Variants in CHORDC1 observed in about 807,000 individuals in gnomAD.
The protein encoded by CHORDC1 is cysteine and histidine rich domain containing 1.
Under a neutral mutation model 48.3 loss-of-function variants are expected in CHORDC1, and 25 were observed. That is an observed-to-expected ratio of 0.52 (90% CI 0.38 to 0.72). The LOEUF (loss-of-function observed/expected upper bound fraction) is 0.72. Among genes scored for constraint, CHORDC1 ranks in the 30% least tolerant of loss-of-function variants. The pLI is 0.00. For missense variants in CHORDC1, 317 were observed against 388.7 expected, an observed-to-expected ratio of 0.82 and a Z score of 1.55; for synonymous variants, 128 against 126.4, an observed-to-expected ratio of 1.01 and a Z score of -0.09.
chr11:90,209,475 C>T (rs1456209653), intron 6 of CHORDC1: 1 of 152,090 alleles, frequency 6.6e-6, no homozygotes, highest in African/African-American at 2.4e-5. Context: ...ATTCTACACG[C>T]ACTGTTCTAA....
chr11:90,214,880 C>T (rs1036730498), intron 3 of CHORDC1, among the ~76,000 whole-genome samples: 3 of 152,004 alleles, frequency 2.0e-5, no homozygotes, highest in Admixed American at 2.0e-4. Context: ...TCGTTCCTAA[C>T]TGAAAAGGCT....
At chr11:90,203,702 G>C (rs1267749749) in intron 8 of CHORDC1, among the ~76,000 whole-genome samples, 1 of 151,944 alleles carries the variant, frequency 6.6e-6, no homozygotes, top group African/African-American at 2.4e-5. Flanking sequence ...CAGCTAAAAA[G>C]ACAATTTAAG....
chr11:90,220,792 G>A (rs1171252739), intron 1 of CHORDC1, among the ~76,000 whole-genome samples: 1 of 152,028 alleles, frequency 6.6e-6, no homozygotes, highest in Non-Finnish European at 1.5e-5. Context: ...AGTGTCCAGG[G>A]CTTCTAACAT....
chr11:90,219,821 G>C (rs761196123), intron 1 of CHORDC1, among the ~76,000 whole-genome samples: 2 of 152,126 alleles, frequency 1.3e-5, no homozygotes, highest in East Asian at 1.9e-4. Context: ...CGACCAAGCT[G>C]CTCTCAGCAA....
chr11:90,215,931 C>A (rs1858000726), intron 2 of CHORDC1, among the ~76,000 whole-genome samples: 1 of 152,022 alleles, frequency 6.6e-6, no homozygotes, highest in Admixed American at 6.5e-5. Flanking sequence ...GATTAAGATG[C>A]AACTTTGCAC....
chr11:90,220,517 T>C (rs1344780097), intron 1 of CHORDC1, among the ~76,000 whole-genome samples: 1 of 152,066 alleles, frequency 6.6e-6, no homozygotes, highest in Non-Finnish European at 1.5e-5. Flanking sequence ...GTCAGAAACA[T>C]AAACGCAATG....
intron 6 of CHORDC1, chr11:90,207,779 C>CAAAAAAAAAAAAAAAAAA (rs1231587858): frequency 1.1e-5 from 1 of 91,328 alleles, no homozygotes; most frequent in Admixed American, 1.3e-4. Context: ...AAAAAAAAAA[C>CAAAAAAAAAAAAAAAAAA]AAAAAAAACT....
intron 1 of CHORDC1, 102 bp downstream of exon 1, chr11:90,222,789 G>T (rs1462987149): frequency 1.3e-5 from 14 of 1,097,490 alleles, no homozygotes; most frequent in Non-Finnish European, 1.8e-5. Context: ...CTGGGGCCGC[G>T]CGAGGACGGC....
chr11:90,209,187 A>G (rs1161674144), intron 6 of CHORDC1: 2 of 152,128 alleles, frequency 1.3e-5, no homozygotes, highest in Admixed American at 6.5e-5. Flanking sequence ...TTGTATCTCC[A>G]TTCCTTAAGT....
intron 6 of CHORDC1, chr11:90,206,517 G>T: frequency 2.3e-6 from 1 of 428,214 alleles, no homozygotes; most frequent in Non-Finnish European, 4.3e-6. Flanking sequence ...TTTTGAGTAT[G>T]AGATCCCATC....
At chr11:90,203,756 T>C (rs1857600298) in intron 8 of CHORDC1, among the ~76,000 whole-genome samples, 2 of 152,174 alleles carry the variant, frequency 1.3e-5, no homozygotes, top group African/African-American at 4.8e-5. Context: ...TGTAACCTAC[T>C]AAGTACTGTC....
chr11:90,210,587 GTCT>G lies in CHORDC1; in HGVS notation c.438_440del (p.Glu146del), dbSNP rs772146886. The G allele has an allele frequency of 1.2e-4, 189 of 1,571,282 alleles. 3 individuals are homozygous for G. In the East Asian group the frequency reaches 4.2e-3, roughly 35 times the overall value. On this transcript the variant is annotated inframe_deletion, in exon 6 of 11. Transcript: ENST00000320585. The stretch of plus-strand genomic sequence containing the variant: ...AGGTCCCAATCTTAATTTCATCATT[GTCT>G]TCTTCTGTAACAAAGAAAAAAAAAT...
chr11:90,218,983 T>G (rs1402635328), intron 1 of CHORDC1, among the ~76,000 whole-genome samples: 1 of 150,842 alleles, frequency 6.6e-6, no homozygotes, highest in Non-Finnish European at 1.5e-5. Context: ...AATAGAAGTC[T>G]AGGTGGGCCT....
chr11:90,215,281 C>T (rs762170427), intron 2 of CHORDC1, 51 bp from the exon 3 acceptor site: 7 of 1,268,600 alleles, frequency 5.5e-6, no homozygotes, highest in Middle Eastern at 1.9e-4. Context: ...ATGAGAAACA[C>T]GACCCACTAA....
chr11:90,213,884 G>A, intron 4 of CHORDC1, 134 bp downstream of exon 4: 1 of 722,260 alleles, frequency 1.4e-6, no homozygotes, highest in East Asian at 2.6e-5. Context: ...ATTTAAGGGA[G>A]AAACCAAATG....
Position 90,200,920 on chromosome 11 carries a change from T to A in CHORDC1, c.*1485A>T, listed in dbSNP as rs1857529978. 6.6e-6 allele frequency among the ~76,000 whole-genome samples: 1 copy of A among 151,944 alleles called. No individual in the cohort carries two copies. The highest frequency in any genetic ancestry group is 2.1e-4 in the South Asian group (1 of 4,824). Reference sequence around the variant, plus strand: ...GATAACTTGAAAAATTTTAAATACATCTCCAGGTATCAGATGCTTATGTAC... The same window carrying A: ...GATAACTTGAAAAATTTTAAATACAACTCCAGGTATCAGATGCTTATGTAC... On this transcript the variant is annotated 3_prime_UTR_variant, in exon 11 of 11. Transcript: ENST00000320585.
At chr11:90,207,553 GA>G (rs1857729853) in intron 6 of CHORDC1, 1 of 151,864 alleles carries the variant, frequency 6.6e-6, no homozygotes, top group Admixed American at 6.6e-5. Context: ...AAAAAGCATA[GA>G]ATTTCTGATA....
rs904730758 is a variant in CHORDC1 at position 90,210,413 on chromosome 11, C to T, written c.492+123G>A. 4 of 656,702 alleles carry T rather than the reference C, an allele frequency of 6.1e-6. No homozygotes were observed. In the African/African-American group the frequency reaches 7.4e-5, roughly 12 times the overall value. 40.7% of individuals were successfully genotyped at this position (656,702 alleles called of 1,614,324 possible). ...TCTTATCCATGATTGTAGCCCTAGT[C>T]CCCAGCATAATGTTCAATATATAAT... On this transcript the variant is annotated intron_variant, in intron 6 of 10. Transcript: ENST00000320585.
intron 1 of CHORDC1, among the ~76,000 whole-genome samples, chr11:90,221,300 T>G (rs1858165543): frequency 6.6e-6 from 1 of 152,176 alleles, no homozygotes; most frequent in African/African-American, 2.4e-5. Flanking sequence ...TTTCTTCTCC[T>G]TCCATTCACT....
Sources: allele counts gnomAD v4.1 joint callset (sites outside exome capture counted in the v4.1 genomes callset), GRCh38; gene constraint gnomAD v4.1.1; transcripts MANE v1.5; gene names NCBI Gene and HGNC (gene_info 2026-07-23, HGNC 2026-07-21).